ASXL1: variants seen among roughly 807,000 people sequenced by gnomAD.
The protein encoded by ASXL1 is polycomb group protein ASXL1.
Under a neutral mutation model 89.1 loss-of-function variants are expected in ASXL1, and 65 were observed. That is an observed-to-expected ratio of 0.73 (90% CI 0.60 to 0.90). ASXL1 has a LOEUF of 0.90. Ranked by LOEUF, ASXL1 falls within the 40% of genes least tolerant of loss-of-function variation. The pLI is 0.00. For synonymous variants in ASXL1, 739 were observed against 746.9 expected (o/e 0.99, Z 0.17); for missense variants, 1,786 against 1,942.9 (o/e 0.92, Z 1.52).
intron 1 of ASXL1, among the ~76,000 whole-genome samples, chr20:32,365,572 G>A (rs907140244): frequency 2.2e-4 from 34 of 152,152 alleles, no homozygotes; most frequent in Admixed American, 2.1e-3. Flanking sequence ...AGCTGCACAG[G>A]TAGACAAAGT....
intron 10 of ASXL1, chr20:32,432,609 A>G (rs2011553324): frequency 2.4e-6 from 1 of 411,668 alleles, no homozygotes; most frequent in Non-Finnish European, 4.6e-6. Flanking sequence ...AATCAGGCCT[A>G]CCTACTATGT....
rs766073783 is a variant in ASXL1, at chr20:32,430,069, C to T, written c.718+16C>T. 4 of 1,600,984 alleles carry T rather than the reference C, an allele frequency of 2.5e-6. No individual in the cohort carries two copies. In the East Asian group the frequency reaches 8.9e-5, roughly 36 times the overall value. On this transcript the variant is annotated intron_variant, in intron 8 of 12. Transcript: ENST00000375687. The stretch of plus-strand genomic sequence containing the variant: ...CCAGCCACAGGTGAGTGGCGTGGCA[C>T]TTATTTCTCTGCCTGTAAAGGGGGC...
At chr20:32,407,349 G>GA (rs905125208) in intron 4 of ASXL1, among the ~76,000 whole-genome samples, 5 of 151,240 alleles carry the variant, frequency 3.3e-5, no homozygotes, top group African/African-American at 7.3e-5. Flanking sequence ...GTCTCGGGGG[G>GA]AAAAAAAAGA....
intron 4 of ASXL1, among the ~76,000 whole-genome samples, chr20:32,372,945 CTTT>C (rs71187111): frequency 7.3e-6 from 1 of 136,560 alleles, no homozygotes. Context: ...TTTTCTTTTT[CTTT>C]TTTTTTTTTT....
At position 32,359,849 on chromosome 20, in the gene ASXL1, C is replaced by T. The variant is rs534404097; in HGVS notation, c.57+1017C>T. 17 of 717,444 alleles carry T rather than the reference C, an allele frequency of 2.4e-5. No homozygotes were observed. In the African/African-American group the frequency reaches 2.6e-4, roughly 11 times the overall value. The allele number at this position is 717,444 out of a possible 1,614,324, so 44.4% of individuals were successfully genotyped here. On this transcript the variant is annotated intron_variant, in intron 1 of 12. Coordinates refer to ENST00000375687, the MANE Select transcript of ASXL1 (RefSeq NM_015338.6). ...AAGCTCAGACACTTTGAGACATATT[C>T]GGGTAATTATCTGCTGATACCAGTA...
rs149268808 is a variant in ASXL1 at position 32,372,545 on chromosome 20, A to G, written c.252+3422A>G. On this transcript the variant is annotated intron_variant, in intron 4 of 12. Transcript: ENST00000375687. ...GTTGCCTTCAATAAATATATATTTA[A>G]TGAACGAATTTAGTGAATAATGGCT... 1.2e-5 allele frequency: 4 copies of G among 343,490 alleles called. No homozygotes were observed. The East Asian group carries it at 2.4e-4, about 21-fold the overall frequency. 21.3% of individuals were successfully genotyped at this position (343,490 alleles called of 1,614,324 possible). A position where few individuals can be genotyped will look rare whatever the true frequency, so the allele number is the denominator to read the frequency against.
chr20:32,433,611 T>C lies in ASXL1; in HGVS notation c.1413T>C (p.Ser471=), dbSNP rs773270872. 1.9e-6 allele frequency: 3 copies of C among 1,614,014 alleles called. No individual in the cohort carries two copies. In the South Asian group the frequency reaches 3.3e-5, roughly 18 times the overall value. ...LSSPHLPGTS[S]AAPDLEGPEF... ...GTCCCCATCTGCCAGGCACATCCTC[T>C]GCAGCACCCGACCTGGAGGGTCCCG... The change falls in exon 12 of 13, where the codon TCT becomes TCC. Residue 471 remains serine, a synonymous_variant. Transcript: ENST00000375687.
Position 32,428,209 on chromosome 20 carries a change from G to T in ASXL1, c.334G>T (p.Gly112Trp). 6.2e-7 allele frequency: 1 copy of T among 1,614,158 alleles called. No individual in the cohort carries two copies. Among genetic ancestry groups the T allele is most frequent in the Non-Finnish European group, 8.5e-7 (1 of 1,180,024 alleles). ...PEDTADVESCGSNEASTVSGE... is the reference protein window; with the variant it reads ...PEDTADVESCWSNEASTVSGE... ...GGACACGGCTGATGTGGAGAGCTGTGGGTCTAATGAAGCCAGCACTGTGAG... is the reference window on the plus strand; with the variant it reads ...GGACACGGCTGATGTGGAGAGCTGTTGGTCTAATGAAGCCAGCACTGTGAG... The change falls in exon 5 of 13, where the codon GGG (glycine) becomes TGG (tryptophan). Residue 112 changes from glycine (G) to tryptophan (W), a missense_variant. By Grantham distance (184) the Gly-to-Trp change is radical. This residue lies in a region of ASXL1 where 332 missense variants were observed against 449.7 expected (regional missense o/e 0.74). Transcript: ENST00000375687.
In ASXL1 at chr20:32,436,028, C is replaced by G. The variant is rs2145379836; in HGVS notation, c.3316C>G (p.Pro1106Ala). The change falls in exon 13 of 13, where the codon CCA (proline) becomes GCA (alanine). Residue 1106 changes from proline to alanine, a missense_variant. Around this residue, in one of 3 missense-constraint regions of ASXL1, gnomAD observed 1,418 missense variants for 1,427.8 expected, o/e 0.99. Transcript: ENST00000375687. ...MPGSSVEATNPLVMQLLQGSL... is the reference protein window; with the variant it reads ...MPGSSVEATNALVMQLLQGSL... ...TGGGTCCTCAGTGGAGGCCACTAAC[C>G]CACTTGTGATGCAGTTGCTGCAGGG... 1 of 1,614,156 alleles carries G rather than the reference C, an allele frequency of 6.2e-7. No homozygotes were observed. The highest frequency in any genetic ancestry group is 8.5e-7 in the Non-Finnish European group (1 of 1,180,034).
intron 4 of ASXL1, among the ~76,000 whole-genome samples, chr20:32,398,615 G>GTTTTTTTTTTTTTTTTTTT (rs1358499355): frequency 2.5e-5 from 2 of 80,810 alleles, no homozygotes; most frequent in South Asian, 4.7e-4. Flanking sequence ...TTTTTTTTTT[G>GTTTTTTTTTTTTTTTTTTT]TTTTTTTTTT....
In ASXL1 at chr20:32,358,891, C is replaced by T; in HGVS notation, c.57+59C>T. On this transcript the variant is annotated intron_variant, in intron 1 of 12. Coordinates refer to ENST00000375687, the MANE Select transcript of ASXL1 (RefSeq NM_015338.6). ...CCCGGGGTGGGGGGGGCTCGCCGCG[C>T]ACCCCCCCACTGGGGGGGGAGGGGC... The T allele has an allele frequency of 2.1e-6, 3 of 1,421,702 alleles. No homozygotes were observed. The South Asian group carries it at 4.4e-5, about 21-fold the overall frequency. The allele number at this position is 1,421,702 out of a possible 1,614,324, so 88.1% of individuals were successfully genotyped here.
intron 4 of ASXL1, among the ~76,000 whole-genome samples, chr20:32,421,721 C>T (rs925041594): frequency 5.9e-5 from 9 of 152,102 alleles, no homozygotes; most frequent in African/African-American, 2.2e-4. Flanking sequence ...ATAGCATAAA[C>T]AGGCTGAGTG....
At chr20:32,394,800 G>T (rs2048733693) in intron 4 of ASXL1, among the ~76,000 whole-genome samples, 1 of 151,672 alleles carries the variant, frequency 6.6e-6, no homozygotes, top group African/African-American at 2.4e-5. Context: ...TGCAGCCTCT[G>T]CCTCCTGGGT....
chr20:32,398,603 G>GTTTTTTTTTTTTTT (rs375341392), intron 4 of ASXL1, among the ~76,000 whole-genome samples: 54 of 126,268 alleles, frequency 4.3e-4, no homozygotes, highest in Middle Eastern at 4.2e-3. Context: ...TTTTTTGTTT[G>GTTTTTTTTTTTTTT]TTTTTTTTTT....
chr20:32,383,552 C>T (rs140640559), intron 4 of ASXL1, among the ~76,000 whole-genome samples: 123 of 152,204 alleles, frequency 8.1e-4, no homozygotes, highest in African/African-American at 2.9e-3. Context: ...TGTGATCCTC[C>T]CGCCTCGGCC....
chr20:32,369,033 A>C lies in ASXL1; in HGVS notation c.162A>C (p.Ala54=). 1.2e-6 allele frequency: 2 copies of C among 1,613,918 alleles called. No homozygotes were observed. Among genetic ancestry groups the C allele is most frequent in the Non-Finnish European group, 1.7e-6 (2 of 1,179,812 alleles). Residue 54 remains alanine, a synonymous_variant, in exon 4 of 13, where the codon GCA becomes GCC. Transcript: ENST00000375687. ...KEMRSGTSPL[A]CLNAMLHSNS... ...TTTACAGTGGGACTTCCCCTCTCGC[A>C]TGCCTCAATGCTATGCTACATTCCA...
intron 4 of ASXL1, among the ~76,000 whole-genome samples, chr20:32,383,367 C>T (rs544667408): frequency 7.9e-5 from 12 of 151,516 alleles, no homozygotes; most frequent in African/African-American, 1.5e-4. Context: ...AGTGCAGTGG[C>T]GCGATCTCGG....
chr20:32,397,250 C>CTTT lies in ASXL1; in HGVS notation c.252+28156_252+28158dup, dbSNP rs71187116. Among the ~76,000 whole-genome samples the CTTT allele has an allele frequency of 6.9e-3, 48 of 6,980 alleles. 16 individuals are homozygous for CTTT. The highest frequency in any genetic ancestry group is 9.2e-3 in the Non-Finnish European group (34 of 3,690). The allele number at this position is 6,980 out of a possible 152,430, so 4.6% of individuals were successfully genotyped here. On this transcript the variant is annotated intron_variant, in intron 4 of 12. Coordinates refer to ENST00000375687, the MANE Select transcript of ASXL1 (RefSeq NM_015338.6). ...TTGTGGGGTGAGCGACCATGCCTGG[C>CTTT]TTTTTTTTTTTTTTTTTTTTTTTTT...
In ASXL1 at chr20:32,434,938, G is replaced by T. The variant is rs766019835; in HGVS notation, c.2226G>T (p.Gly742=). ...GGGCTACAGTTGGACTCACAGATGGGCTAGGAGATGCCTCCCAACTCCCCG... is the reference window on the plus strand; with the variant it reads ...GGGCTACAGTTGGACTCACAGATGGTCTAGGAGATGCCTCCCAACTCCCCG... ...LQRATVGLTD[G]LGDASQLPVA... is the part of the protein sequence containing the mutation. The change falls in exon 13 of 13, where the codon GGG becomes GGT. Residue 742 remains glycine (G), a synonymous_variant. Transcript: ENST00000375687. 2.5e-6 allele frequency: 4 copies of T among 1,614,062 alleles called. No homozygotes were observed. The highest frequency in any genetic ancestry group is 3.4e-6 in the Non-Finnish European group (4 of 1,180,028).
Sources: gnomAD v4.1 joint callset for allele counts (sites outside exome capture counted in the v4.1 genomes callset) on GRCh38, gnomAD v4.1.1 for gene constraint, gnomAD v4.1.1 regional missense constraint, MANE v1.5 for transcripts, NCBI Gene and HGNC (gene_info 2026-07-23, HGNC 2026-07-21) for gene names.